ATP8A2: variants seen among roughly 807,000 people sequenced by gnomAD.
ATP8A2 encodes phospholipid-transporting ATPase IB.
A neutral mutation model predicts 165.6 loss-of-function variants in ATP8A2; 100 were observed. The ratio of observed to expected loss-of-function variants is 0.60; its 90% CI spans 0.51 to 0.71. ATP8A2 has a LOEUF of 0.71. Ranked by LOEUF, ATP8A2 falls within the 30% of genes least tolerant of loss-of-function variation. The probability of loss-of-function intolerance (pLI) is 0.00; values close to 1 mark genes in which losing one functional copy is unlikely to be tolerated. For synonymous variants in ATP8A2, 543 were observed against 548.8 expected (o/e 0.99, Z 0.15); for missense variants, 1,227 against 1,479.5 (o/e 0.83, Z 2.80).
At position 25,460,280 on chromosome 13, in the gene ATP8A2, C is replaced by G. The variant is rs192134632; in HGVS notation, c.77-8697C>G. 1.3e-3 allele frequency among the ~76,000 whole-genome samples: 199 copies of G among 152,300 alleles called. 1 individual carries two copies. The highest frequency in any genetic ancestry group is 3.4e-3 in the Middle Eastern group (1 of 294). On this transcript the variant is annotated intron_variant, in intron 1 of 36. Transcript: ENST00000381655. ...CACAGCTTCAAAGGAAACCGCCCCT[C>G]TCCTAGGTTAGCTGTTCAAAGATGG...
At chr13:25,945,670 G>T (rs1295957689) in intron 33 of ATP8A2, among the ~76,000 whole-genome samples, 2 of 152,230 alleles carry the variant, frequency 1.3e-5, no homozygotes, top group Non-Finnish European at 2.9e-5. Context: ...GGTGCAACAA[G>T]CTGCTGCTAA....
At chr13:25,399,739 TCTC>T (rs1240094565) in intron 1 of ATP8A2, among the ~76,000 whole-genome samples, 4 of 147,572 alleles carry the variant, frequency 2.7e-5, no homozygotes, top group Non-Finnish European at 6.1e-5. Flanking sequence ...TCTTCCTCCT[TCTC>T]CTCTTCCTCC....
chr13:25,499,352 A>G (rs560566152), intron 2 of ATP8A2, among the ~76,000 whole-genome samples: 4 of 152,218 alleles, frequency 2.6e-5, no homozygotes, highest in Non-Finnish European at 5.9e-5. Flanking sequence ...CTGAATCTGT[A>G]TCCGGTGGAA....
At chr13:25,869,755 C>T (rs1952625156) in intron 33 of ATP8A2, among the ~76,000 whole-genome samples, 1 of 152,164 alleles carries the variant, frequency 6.6e-6, no homozygotes. Context: ...GCTGCTCAGA[C>T]CTCTAGGGGA....
chr13:25,646,317 GA>G (rs1396014833), intron 24 of ATP8A2, among the ~76,000 whole-genome samples: 2 of 151,972 alleles, frequency 1.3e-5, no homozygotes, highest in African/African-American at 4.8e-5. Context: ...TTGAAAATGA[GA>G]TGAATGTTTT....
chr13:25,884,538 G>T (rs1953082973), intron 33 of ATP8A2, among the ~76,000 whole-genome samples: 1 of 152,178 alleles, frequency 6.6e-6, no homozygotes, highest in African/African-American at 2.4e-5. Context: ...AATCAGAAGT[G>T]CTTTGGCTGG....
At chr13:25,984,070 C>T (rs1015667519) in intron 35 of ATP8A2, among the ~76,000 whole-genome samples, 2 of 151,680 alleles carry the variant, frequency 1.3e-5, no homozygotes, top group South Asian at 2.1e-4. Flanking sequence ...CCCGTCACTA[C>T]AAAAGTTTTA....
Position 25,543,303 on chromosome 13 carries a change from T to C in ATP8A2, c.792T>C (p.Leu264=). The change falls in exon 10 of 37, where the codon CTT becomes CTC. Residue 264 remains leucine (L), a synonymous_variant. Transcript: ENST00000381655. ...LNLDGKSLVA[L]GPDQILLRGT... Reference sequence around the variant, plus strand: ...TTTTTATTTTTAGCCTTGTTGCCCTTGGGCCTGACCAGATCTTATTAAGAG... The same window carrying C: ...TTTTTATTTTTAGCCTTGTTGCCCTCGGGCCTGACCAGATCTTATTAAGAG... 4 of 1,604,518 alleles carry C rather than the reference T, an allele frequency of 2.5e-6. No homozygotes were observed. The highest frequency in any genetic ancestry group is 3.4e-6 in the Non-Finnish European group (4 of 1,173,336).
intron 24 of ATP8A2, among the ~76,000 whole-genome samples, chr13:25,664,581 G>A (rs984082401): frequency 2.0e-5 from 3 of 152,146 alleles, no homozygotes; most frequent in Non-Finnish European, 2.9e-5. Context: ...AGTTGCCAGC[G>A]GGCAGTGGTT....
At position 25,626,239 on chromosome 13, in the gene ATP8A2, G is replaced by A. The variant is rs76902540; in HGVS notation, c.2211+36540G>A. 6.6e-3 allele frequency among the ~76,000 whole-genome samples: 1,002 copies of A among 152,276 alleles called. 5 individuals carry two copies. Among genetic ancestry groups the A allele is most frequent in the Non-Finnish European group, 0.012 (802 of 68,010 alleles). On this transcript the variant is annotated intron_variant, in intron 24 of 36. Transcript: ENST00000381655. ...CTATAACAAAATGCCACAGATTGGG[G>A]TAACTTACAAAGAAAAGTTTATTTA...
intron 1 of ATP8A2, among the ~76,000 whole-genome samples, chr13:25,420,415 C>T (rs111650120): frequency 6.6e-6 from 1 of 152,296 alleles, no homozygotes; most frequent in African/African-American, 2.4e-5. Flanking sequence ...AGAGGCTGTG[C>T]CTCCCTGGTT....
intron 33 of ATP8A2, among the ~76,000 whole-genome samples, chr13:25,898,569 T>A (rs938941917): frequency 6.6e-6 from 1 of 152,208 alleles, no homozygotes; most frequent in African/African-American, 2.4e-5. Context: ...ACAGGGACAT[T>A]TAAGTCTGCA....
chr13:25,396,675 A>T (rs2137994540), intron 1 of ATP8A2, among the ~76,000 whole-genome samples: 1 of 152,124 alleles, frequency 6.6e-6, no homozygotes, highest in South Asian at 2.1e-4. Flanking sequence ...TGCTCTCACG[A>T]ACTCTATTTT....
Position 25,776,496 on chromosome 13 carries a change from G to A in ATP8A2, c.2679+1537G>A, listed in dbSNP as rs564957064. ...AAAATTATTCACAATTTGTCTGCTG[G>A]TCTTGTGCTGTAATATTCAACTCAG... is the stretch of plus-strand genomic sequence containing the variant. On this transcript the variant is annotated intron_variant, in intron 27 of 36. Transcript: ENST00000381655. 7.9e-5 allele frequency among the ~76,000 whole-genome samples: 12 copies of A among 152,298 alleles called. No individual in the cohort carries two copies. The East Asian group carries it at 2.3e-3, about 29-fold the overall frequency.
chr13:25,604,687 C>T (rs1472840546), intron 24 of ATP8A2, among the ~76,000 whole-genome samples: 1 of 152,156 alleles, frequency 6.6e-6, no homozygotes, highest in Non-Finnish European at 1.5e-5. Flanking sequence ...ATGTACCAAG[C>T]TCTTTATAAT....
At chr13:25,448,242 T>C (rs2035121831) in intron 1 of ATP8A2, among the ~76,000 whole-genome samples, 1 of 152,234 alleles carries the variant, frequency 6.6e-6, no homozygotes, top group African/African-American at 2.4e-5. Context: ...TACAATAAAT[T>C]ATTGTTAACT....
chr13:25,921,618 T>A (rs1954459144), intron 33 of ATP8A2, among the ~76,000 whole-genome samples: 1 of 86,166 alleles, frequency 1.2e-5, no homozygotes, highest in African/African-American at 4.3e-5. Context: ...CTAGACTCTG[T>A]CTCAAAAAAA....
chr13:25,929,122 C>T (rs73472953), intron 33 of ATP8A2, among the ~76,000 whole-genome samples: 1,945 of 152,290 alleles, frequency 0.013, 47 homozygotes, highest in African/African-American at 0.045. Flanking sequence ...TCATTCCTAC[C>T]ACTTCCCACT....
At chr13:25,606,569 T>A (rs1273899714) in intron 24 of ATP8A2, among the ~76,000 whole-genome samples, 1 of 152,200 alleles carries the variant, frequency 6.6e-6, no homozygotes, top group Admixed American at 6.5e-5. Flanking sequence ...ATTATAAGCC[T>A]ACTGGAAAGT....
Sources: gnomAD v4.1 joint callset for allele counts (sites outside exome capture counted in the v4.1 genomes callset) on GRCh38, gnomAD v4.1.1 for gene constraint, MANE v1.5 for transcripts, NCBI Gene and HGNC (gene_info 2026-07-23, HGNC 2026-07-21) for gene names.